Variants in TLK1 observed in about 807,000 individuals in gnomAD.
TLK1 encodes serine/threonine-protein kinase tousled-like 1.
In TLK1, 24 loss-of-function variants were observed where a neutral mutation model predicts 105.3. The observed-to-expected ratio is 0.23, with a 90% CI of 0.17 to 0.32. TLK1 has a LOEUF of 0.32. TLK1 is among the 10% of genes least tolerant of loss of function. The probability of loss-of-function intolerance (pLI) is 1.00; values close to 1 mark genes in which losing one functional copy is unlikely to be tolerated. For synonymous variants in TLK1, 321 were observed against 310.4 expected (o/e 1.03, Z -0.36); for missense variants, 558 against 910.5 (o/e 0.61, Z 4.98).
At chr2:171,189,716 A>G (rs1304926582) in intron 1 of TLK1, among the ~76,000 whole-genome samples, 1 of 152,230 alleles carries the variant, frequency 6.6e-6, no homozygotes, top group Non-Finnish European at 1.5e-5. Flanking sequence ...GTCTGAAGAT[A>G]GGCCATGACA....
At chr2:171,209,269 G>C (rs1021857922) in intron 1 of TLK1, among the ~76,000 whole-genome samples, 7 of 152,306 alleles carry the variant, frequency 4.6e-5, no homozygotes, top group Middle Eastern at 3.4e-3. Flanking sequence ...ATATGGAACA[G>C]GGGTGGGATG....
Position 171,160,740 on chromosome 2 carries a change from T to TGGGAGCGCGGG in TLK1, c.-313_-312insCCCGCGCTCCC, listed in dbSNP as rs1558975891. 4.7e-6 allele frequency: 2 copies of TGGGAGCGCGGG among 427,956 alleles called. No individual in the cohort carries two copies. The highest frequency in any genetic ancestry group is 4.5e-5 in the African/African-American group (2 of 44,142). The allele number at this position is 427,956 out of a possible 1,614,324, so 26.5% of individuals were successfully genotyped here. A position where few individuals can be genotyped will look rare whatever the true frequency, so the allele number is the denominator to read the frequency against. On this transcript the variant is annotated 5_prime_UTR_variant, in exon 1 of 21. Coordinates refer to ENST00000431350, the MANE Select transcript of TLK1 (RefSeq NM_012290.5). The surrounding 1 kb of genome is among the most constrained non-coding windows in gnomAD (Gnocchi z 4.4). The stretch of plus-strand genomic sequence containing the variant: ...CGAGGGGGTGCCAGCCGGGCCGGGG[T>TGGGAGCGCGGG]CGGAGCGCGGGCGGAGCGCGGGCTG...
upstream of TLK1, among the ~76,000 whole-genome samples, chr2:171,165,701 A>G (rs1692595004): frequency 6.6e-6 from 1 of 152,226 alleles, no homozygotes; most frequent in South Asian, 2.1e-4. Context: ...TCACAAGGTC[A>G]GGAGTTCGAG....
intron 11 of TLK1, among the ~76,000 whole-genome samples, chr2:171,032,218 G>A (rs914287148): frequency 6.6e-6 from 1 of 152,160 alleles, no homozygotes; most frequent in African/African-American, 2.4e-5. Context: ...TTGCTAATCA[G>A]TATTGCACTG....
Position 171,055,067 on chromosome 2 carries a change from T to C in TLK1, c.639+16A>G. On this transcript the variant is annotated intron_variant, in intron 7 of 20. Coordinates refer to ENST00000431350, the MANE Select transcript of TLK1 (RefSeq NM_012290.5). ...TCTTAGAAGCCATAGAAAAAAACATTTTAATTATCATTTACCTGAATAATT... is the reference window on the plus strand; with the variant it reads ...TCTTAGAAGCCATAGAAAAAAACATCTTAATTATCATTTACCTGAATAATT... 7.1e-7 allele frequency: 1 copy of C among 1,415,628 alleles called. No individual in the cohort carries two copies. The highest frequency in any genetic ancestry group is 1.7e-5 in the South Asian group (1 of 59,910). 87.7% of individuals were successfully genotyped at this position (1,415,628 alleles called of 1,614,324 possible).
chr2:171,199,448 G>C (rs567330155), intron 1 of TLK1, among the ~76,000 whole-genome samples: 1 of 152,222 alleles, frequency 6.6e-6, no homozygotes, highest in Non-Finnish European at 1.5e-5. Context: ...GGGAGATGGA[G>C]GCTGCAGTGA....
chr2:171,196,191 A>C (rs1182812535), intron 1 of TLK1, among the ~76,000 whole-genome samples: 4 of 150,794 alleles, frequency 2.7e-5, no homozygotes, highest in African/African-American at 9.8e-5. Flanking sequence ...ATCTTGGCTC[A>C]CTGCAACCTC....
intron 1 of TLK1, among the ~76,000 whole-genome samples, chr2:171,201,613 C>A (rs1194703060): frequency 2.0e-5 from 3 of 152,172 alleles, no homozygotes. Flanking sequence ...GAGAATTTTC[C>A]TCATATTGTG....
intron 1 of TLK1, among the ~76,000 whole-genome samples, chr2:171,119,432 C>T (rs1478784290): frequency 2.6e-5 from 4 of 152,196 alleles, no homozygotes; most frequent in African/African-American, 9.7e-5. Flanking sequence ...TCTCCTTTGG[C>T]TTCAAACATG....
intron 12 of TLK1, among the ~76,000 whole-genome samples, chr2:171,026,553 T>C (rs1254707026): frequency 2.0e-5 from 3 of 152,170 alleles, no homozygotes; most frequent in African/African-American, 4.8e-5. Context: ...ATCTGAAATT[T>C]GGTATTACAC....
At chr2:171,096,760 A>T (rs1689471177) in intron 2 of TLK1, among the ~76,000 whole-genome samples, 1 of 151,322 alleles carries the variant, frequency 6.6e-6, no homozygotes. Flanking sequence ...CCTGTCTCAA[A>T]AAAAAAAAAA....
chr2:171,093,782 A>G (rs1483649581), intron 2 of TLK1, among the ~76,000 whole-genome samples: 1 of 152,188 alleles, frequency 6.6e-6, no homozygotes, highest in African/African-American at 2.4e-5. Context: ...ATGGGGAAGA[A>G]TGTCTGTAGG....
At chr2:171,009,999 T>A (rs1438577698) in intron 14 of TLK1, among the ~76,000 whole-genome samples, 1 of 152,182 alleles carries the variant, frequency 6.6e-6, no homozygotes, top group African/African-American at 2.4e-5. Context: ...GGGAAGCTAC[T>A]GGGGCTTTCA....
At chr2:171,148,890 A>AAAAAATAT (rs1445171800) in intron 1 of TLK1, among the ~76,000 whole-genome samples, 5 of 138,460 alleles carry the variant, frequency 3.6e-5, no homozygotes, top group African/African-American at 1.4e-4. Context: ...AAAAAAAAAA[A>AAAAAATAT]ATATATATAT....
At chr2:171,227,320 G>T (rs543011592) in intron 1 of TLK1, among the ~76,000 whole-genome samples, 80 of 152,252 alleles carry the variant, frequency 5.3e-4, no homozygotes, top group Non-Finnish European at 8.7e-4. Context: ...ACTTCCTCCA[G>T]TTTTTTGCTG....
intron 8 of TLK1, among the ~76,000 whole-genome samples, chr2:171,052,745 T>C (rs1366651493): frequency 2.0e-5 from 3 of 152,162 alleles, no homozygotes; most frequent in Admixed American, 1.3e-4. Flanking sequence ...AGTGGTTAAA[T>C]GGTAAATGGG....
intron 1 of TLK1, among the ~76,000 whole-genome samples, chr2:171,127,568 T>G (rs1174289964): frequency 6.6e-6 from 1 of 152,118 alleles, no homozygotes; most frequent in Admixed American, 6.5e-5. Context: ...CAGCCCAATT[T>G]CTTTTTCTAA....
At chr2:171,168,340 T>C (rs1692648149) in intron 1 of TLK1, among the ~76,000 whole-genome samples, 1 of 152,038 alleles carries the variant, frequency 6.6e-6, no homozygotes, top group African/African-American at 2.4e-5. Flanking sequence ...GAATGTAAAA[T>C]ATTGATGAGA....
chr2:171,226,021 C>T (rs1041105703), intron 1 of TLK1, among the ~76,000 whole-genome samples: 3 of 152,048 alleles, frequency 2.0e-5, no homozygotes, highest in Non-Finnish European at 4.4e-5. Context: ...ATATAATACT[C>T]TCTCACCACC....
Sources: gnomAD v4.1 joint callset for allele counts (sites outside exome capture counted in the v4.1 genomes callset) on GRCh38, gnomAD v4.1.1 for gene constraint, Gnocchi (gnomAD v3.1) non-coding constraint, MANE v1.5 for transcripts, NCBI Gene and HGNC (gene_info 2026-07-23, HGNC 2026-07-21) for gene names.